Variants in STAB2 observed in about 807,000 individuals in gnomAD.
STAB2 encodes the protein stabilin 2, also known as stabilin-2.
STAB2 carries 288 observed loss-of-function variants against 338.1 expected under a neutral mutation model. The observed-to-expected ratio is 0.85, with a 90% CI of 0.77 to 0.94. STAB2 has a LOEUF of 0.94. Ranked by LOEUF, STAB2 falls within the 40% of genes least tolerant of loss-of-function variation. STAB2 has a pLI of 0.00. For synonymous variants in STAB2, 1,202 were observed against 1,193.3 expected (o/e 1.01, Z -0.15); for missense variants, 3,141 against 3,210.1 (o/e 0.98, Z 0.52).
At chr12:103,713,478 C>A (rs1213949405) in intron 41 of STAB2, among the ~76,000 whole-genome samples, 165 bp from the exon 42 acceptor site, 1 of 152,224 alleles carries the variant, frequency 6.6e-6, no homozygotes, top group Non-Finnish European at 1.5e-5. Flanking sequence ...AAGGGCAAAT[C>A]ACAGATGTTT....
At chr12:103,698,039 C>T (rs1459449705) in intron 33 of STAB2, among the ~76,000 whole-genome samples, 1 of 152,114 alleles carries the variant, frequency 6.6e-6, no homozygotes, top group Non-Finnish European at 1.5e-5. Flanking sequence ...AAACTGCCAA[C>T]CAGATTCAGG....
At chr12:103,632,865 C>T (rs1160979938) in intron 6 of STAB2, among the ~76,000 whole-genome samples, 1 of 152,246 alleles carries the variant, frequency 6.6e-6, no homozygotes, top group Non-Finnish European at 1.5e-5. Context: ...GTTAAGAAAT[C>T]GACCATTCTG....
chr12:103,678,718 G>A (rs930396788), intron 25 of STAB2, among the ~76,000 whole-genome samples: 1 of 152,100 alleles, frequency 6.6e-6, no homozygotes, highest in Non-Finnish European at 1.5e-5. Context: ...TTTTAGTAGA[G>A]ACAGGGTTTT....
intron 35 of STAB2, 128 bp downstream of exon 35, chr12:103,703,404 CTT>C: frequency 8.4e-7 from 1 of 1,184,350 alleles, no homozygotes; most frequent in African/African-American, 1.5e-5. Context: ...GAATGAGTAT[CTT>C]TGATGTGCCA....
At chr12:103,758,006 A>G (rs1884261766) in intron 63 of STAB2, 164 bp from the exon 64 acceptor site, 4 of 1,021,450 alleles carry the variant, frequency 3.9e-6, no homozygotes, top group Non-Finnish European at 5.6e-6. Context: ...AAAGTCCTCA[A>G]ACTCTCCCAC....
intron 46 of STAB2, among the ~76,000 whole-genome samples, chr12:103,726,986 T>C (rs1426508977): frequency 4.6e-5 from 7 of 152,206 alleles, no homozygotes; most frequent in Non-Finnish European, 1.0e-4. Context: ...TAAGAGCTGC[T>C]TCTAGGTGGT....
At chr12:103,671,547 C>A (rs140291922) in intron 22 of STAB2, among the ~76,000 whole-genome samples, 1 of 152,318 alleles carries the variant, frequency 6.6e-6, no homozygotes, top group East Asian at 1.9e-4. Context: ...AGTTACTCTA[C>A]TTCTCTAGGC....
At position 103,640,157 on chromosome 12, in the gene STAB2, T is replaced by G; in HGVS notation, c.941T>G (p.Phe314Cys). 1 of 1,613,664 alleles carries G rather than the reference T, an allele frequency of 6.2e-7. No homozygotes were observed. Among genetic ancestry groups the G allele is most frequent in the African/African-American group, 1.3e-5 (1 of 75,034 alleles). The change falls in exon 9 of 69, where the codon TTC (phenylalanine) becomes TGC (cysteine). Residue 314 changes from phenylalanine to cysteine, a missense_variant. By Grantham distance (205) the Phe-to-Cys change is radical. Coordinates refer to ENST00000388887, the MANE Select transcript of STAB2 (RefSeq NM_017564.10). Reference protein sequence around the residue: ...HCECKEHYQNFVPGVGCSMTD... With the variant: ...HCECKEHYQNCVPGVGCSMTD... ...GAGTGTAAGGAGCATTACCAGAATT[T>G]CGTACCTGGAGTGGGGTGCAGTATG...
Position 103,638,057 on chromosome 12 carries a change from C to T in STAB2, c.751C>T (p.His251Tyr). 2 of 1,614,170 alleles carry T rather than the reference C, an allele frequency of 1.2e-6. No homozygotes were observed. Among genetic ancestry groups the T allele is most frequent in the Non-Finnish European group, 1.7e-6 (2 of 1,180,014 alleles). ...ACGAAAAATCTGCCACCCTCATGCT[C>T]ATTGTACGTACCTGGGACCAAATCG... is the stretch of plus-strand genomic sequence containing the variant. Reference protein sequence around the residue: ...CLRKICHPHAHCTYLGPNRHS... With the variant: ...CLRKICHPHAYCTYLGPNRHS... The change falls in exon 8 of 69, where the codon CAT becomes TAT. Residue 251 changes from histidine to tyrosine, a missense_variant. His to Tyr is a moderately conservative substitution (Grantham distance 83, BLOSUM62 2). Transcript: ENST00000388887.
At chr12:103,609,945 C>T (rs1593136818) in intron 3 of STAB2, among the ~76,000 whole-genome samples, 1 of 152,174 alleles carries the variant, frequency 6.6e-6, no homozygotes, top group East Asian at 1.9e-4. Flanking sequence ...TTGTGATAAT[C>T]ATGCGGTTTT....
At chr12:103,765,477 A>G (rs1206848353) in intron 68 of STAB2, among the ~76,000 whole-genome samples, 4 of 152,202 alleles carry the variant, frequency 2.6e-5, no homozygotes. Context: ...ACCCATGAAA[A>G]GCCATTTCTA....
intron 17 of STAB2, among the ~76,000 whole-genome samples, chr12:103,661,714 A>G (rs1193273341): frequency 2.0e-5 from 3 of 152,194 alleles, no homozygotes; most frequent in Non-Finnish European, 2.9e-5. Context: ...TGAAGGAATT[A>G]GGGGAACAAA....
intron 52 of STAB2, 93 bp from the exon 53 acceptor site, chr12:103,737,541 G>T: frequency 7.2e-7 from 1 of 1,387,568 alleles, no homozygotes. Context: ...TACATGGCTG[G>T]GAAAGAAGAG....
In STAB2 at chr12:103,638,047, C is replaced by T; in HGVS notation, c.741C>T (p.His247=). Residue 247 remains histidine (H), a synonymous_variant, in exon 8 of 69, where the codon CAC becomes CAT. Coordinates refer to ENST00000388887, the MANE Select transcript of STAB2 (RefSeq NM_017564.10). ...ATCCATGTTTACGAAAAATCTGCCA[C>T]CCTCATGCTCATTGTACGTACCTGG... The part of the protein sequence containing the change: ...PINPCLRKIC[H]PHAHCTYLGP... The T allele has an allele frequency of 6.2e-7, 1 of 1,613,896 alleles. No homozygotes were observed. Among genetic ancestry groups the T allele is most frequent in the Non-Finnish European group, 8.5e-7 (1 of 1,179,860 alleles).
intron 5 of STAB2, among the ~76,000 whole-genome samples, chr12:103,624,263 G>A (rs1017509651): frequency 6.6e-6 from 1 of 152,240 alleles, no homozygotes; most frequent in Non-Finnish European, 1.5e-5. Flanking sequence ...CTGCCTGGTA[G>A]ACACTCACTA....
At chr12:103,679,844 T>C (rs1246790905) in intron 25 of STAB2, among the ~76,000 whole-genome samples, 3 of 152,226 alleles carry the variant, frequency 2.0e-5, no homozygotes, top group Admixed American at 6.5e-5. Flanking sequence ...CATAGCAGCA[T>C]TATTCATAGT....
In STAB2 at chr12:103,654,709, A is replaced by C; in HGVS notation, c.1551+11A>C. On this transcript the variant is annotated intron_variant, in intron 13 of 68. Coordinates refer to ENST00000388887, the MANE Select transcript of STAB2 (RefSeq NM_017564.10). The stretch of plus-strand genomic sequence containing the variant: ...GAGAGCAACAATGAGGTGAGTATTC[A>C]GATAAAAGTCACATCAGGCCAGGTC... 1 of 1,612,612 alleles carries C rather than the reference A, an allele frequency of 6.2e-7. No homozygotes were observed. The highest frequency in any genetic ancestry group is 8.5e-7 in the Non-Finnish European group (1 of 1,179,420).
chr12:103,747,737 G>A (rs1045175095), intron 58 of STAB2, among the ~76,000 whole-genome samples: 3 of 152,166 alleles, frequency 2.0e-5, no homozygotes, highest in Admixed American at 6.5e-5. Context: ...GCTCACACCT[G>A]TAATTCTAGC....
intron 3 of STAB2, among the ~76,000 whole-genome samples, chr12:103,610,001 G>A (rs144769910): frequency 0.019 from 2,868 of 152,222 alleles, 69 homozygotes; most frequent in African/African-American, 0.06. Context: ...ATTGATTTGC[G>A]TATGTTGAAC....
Sources: gnomAD v4.1 joint callset for allele counts (sites outside exome capture counted in the v4.1 genomes callset) on GRCh38, gnomAD v4.1.1 for gene constraint, MANE v1.5 for transcripts, NCBI Gene and HGNC (gene_info 2026-07-23, HGNC 2026-07-21) for gene names.